The following NPAS3 variants were observed in gnomAD, a reference collection of about 807,000 sequenced individuals.
NPAS3 encodes neuronal PAS domain protein 3.
A neutral mutation model predicts 73.1 loss-of-function variants in NPAS3; 14 were observed. The ratio of observed to expected loss-of-function variants is 0.19; its 90% CI spans 0.13 to 0.30. The LOEUF is 0.30. Among genes scored for constraint, NPAS3 ranks in the 10% least tolerant of loss-of-function variants. NPAS3 has a pLI of 1.00. For missense variants in NPAS3, 1,096 were observed against 1,250.0 expected, an observed-to-expected ratio of 0.88 and a Z score of 1.86; for synonymous variants, 620 against 541.5, an observed-to-expected ratio of 1.14 and a Z score of -2.01.
chr14:33,099,990 A>T (rs1318920042), intron 2 of NPAS3, among the ~76,000 whole-genome samples: 1 of 152,210 alleles, frequency 6.6e-6, no homozygotes, highest in African/African-American at 2.4e-5. Context: ...TTATAGAAAA[A>T]GAATGAACAA....
At chr14:33,531,621 C>T (rs1375442134) in intron 4 of NPAS3, among the ~76,000 whole-genome samples, 1 of 152,062 alleles carries the variant, frequency 6.6e-6, no homozygotes, top group Non-Finnish European at 1.5e-5. Flanking sequence ...CACCGATGAG[C>T]AGAGTTGTTA....
chr14:33,486,972 T>C (rs1474493655), intron 4 of NPAS3, among the ~76,000 whole-genome samples: 1 of 152,124 alleles, frequency 6.6e-6, no homozygotes, highest in Non-Finnish European at 1.5e-5. Context: ...AGAATCAGTT[T>C]TGAGGTGTTT....
chr14:33,362,108 A>G (rs1423047855), intron 3 of NPAS3, among the ~76,000 whole-genome samples: 1 of 152,210 alleles, frequency 6.6e-6, no homozygotes, highest in African/African-American at 2.4e-5. Flanking sequence ...AGTGCTTTCA[A>G]CAACAGAATT....
At chr14:33,407,207 C>G (rs2047705953) in intron 4 of NPAS3, among the ~76,000 whole-genome samples, 1 of 152,120 alleles carries the variant, frequency 6.6e-6, no homozygotes, top group African/African-American at 2.4e-5. Context: ...CAGTGCCATC[C>G]TTTGTAACTG....
upstream of NPAS3, among the ~76,000 whole-genome samples, chr14:32,938,939 C>T (rs959859632): frequency 2.3e-3 from 336 of 145,730 alleles, 6 homozygotes; most frequent in African/African-American, 7.9e-3. Context: ...GGGCCGCGGG[C>T]GCTCTGCGGC....
At position 33,800,588 on chromosome 14, in the gene NPAS3, G is replaced by C. The variant is rs1446195422; in HGVS notation, c.2281G>C (p.Gly761Arg). 6.1e-6 allele frequency: 8 copies of C among 1,301,916 alleles called. No individual in the cohort carries two copies. In the African/African-American group the frequency reaches 1.3e-4, roughly 20 times the overall value. 80.6% of individuals were successfully genotyped at this position (1,301,916 alleles called of 1,614,324 possible). A position where few individuals can be genotyped will look rare whatever the true frequency, so the allele number is the denominator to read the frequency against. ...GGCGTCCCCGCGGGACAAGCACCCC[G>C]GGAACGGCGGCGGGGGCGGGGGCGG... The change falls in exon 12 of 12, where the codon GGG (glycine) becomes CGG (arginine). Residue 761 changes from glycine (G) to arginine (R), a missense_variant. By Grantham distance (125) the Gly-to-Arg change is moderately radical. Transcript: ENST00000356141. This position sits in a 1 kb window ranked among gnomAD's most constrained non-coding sequence, Gnocchi z 6.5.
intron 3 of NPAS3, among the ~76,000 whole-genome samples, chr14:33,246,575 C>T (rs2048391149): frequency 6.7e-6 from 1 of 149,790 alleles, no homozygotes. Flanking sequence ...TAAGTGCTCA[C>T]TTGTTCCTTT....
chr14:33,052,084 A>T (rs1245566179), intron 1 of NPAS3, among the ~76,000 whole-genome samples: 1 of 152,174 alleles, frequency 6.6e-6, no homozygotes, highest in Non-Finnish European at 1.5e-5. Context: ...ACCTGAATTC[A>T]GTAAGATAGT....
chr14:33,396,571 A>G (rs768528548), intron 4 of NPAS3, among the ~76,000 whole-genome samples: 7 of 152,204 alleles, frequency 4.6e-5, no homozygotes, highest in Non-Finnish European at 1.0e-4. Flanking sequence ...AATCCTCACT[A>G]TTCCTGGCCA....
At chr14:33,415,390 TC>T (rs1235787202) in intron 4 of NPAS3, among the ~76,000 whole-genome samples, 1 of 152,126 alleles carries the variant, frequency 6.6e-6, no homozygotes, top group Non-Finnish European at 1.5e-5. Flanking sequence ...TTTTATGTCC[TC>T]CCCAGTCTGT....
At chr14:33,264,286 G>C (rs1028225545) in intron 3 of NPAS3, among the ~76,000 whole-genome samples, 5 of 151,960 alleles carry the variant, frequency 3.3e-5, no homozygotes, top group African/African-American at 1.2e-4. Context: ...GTAGGGGGAG[G>C]GGGGAAGGAT....
Position 32,985,598 on chromosome 14 carries a change from T to G in NPAS3, c.50+46232T>G, listed in dbSNP as rs555385754. On this transcript the variant is annotated intron_variant, in intron 1 of 11. Transcript: ENST00000356141. ...ACTTACTAGGGAAGATTTTTCTTAA[T>G]GTATGCCAGCTAGGTATTATGTTTA... Among the ~76,000 whole-genome samples the G allele has an allele frequency of 2.0e-5, 3 of 152,286 alleles. No individual in the cohort carries two copies. In the South Asian group the frequency reaches 6.2e-4, roughly 32 times the overall value.
chr14:33,437,675 T>C (rs1364208046), intron 4 of NPAS3, among the ~76,000 whole-genome samples: 1 of 152,226 alleles, frequency 6.6e-6, no homozygotes, highest in African/African-American at 2.4e-5. Flanking sequence ...AATTTGACTT[T>C]GACTCTAACT....
chr14:33,758,464 A>C (rs2062183504), intron 7 of NPAS3, among the ~76,000 whole-genome samples: 1 of 152,204 alleles, frequency 6.6e-6, no homozygotes, highest in Non-Finnish European at 1.5e-5. Context: ...ACTCCTGGAC[A>C]AGCTGGCCCC....
At chr14:33,523,623 T>A (rs1265993550) in intron 4 of NPAS3, among the ~76,000 whole-genome samples, 1 of 150,422 alleles carries the variant, frequency 6.6e-6, no homozygotes, top group Non-Finnish European at 1.5e-5. Context: ...AGATAAAAAT[T>A]AAAAAAAATA....
chr14:33,511,432 C>A (rs2053045359), intron 4 of NPAS3, among the ~76,000 whole-genome samples: 1 of 151,992 alleles, frequency 6.6e-6, no homozygotes, highest in Admixed American at 6.6e-5. Context: ...AGAAAAATTA[C>A]AATTTAATCA....
chr14:33,333,518 A>T (rs1051077626), intron 3 of NPAS3, among the ~76,000 whole-genome samples: 1 of 152,196 alleles, frequency 6.6e-6, no homozygotes, highest in Non-Finnish European at 1.5e-5. Context: ...TAGGGCTCAG[A>T]GCAGTATTTT....
chr14:33,748,690 T>C (rs1375407663), intron 7 of NPAS3, among the ~76,000 whole-genome samples: 1 of 152,210 alleles, frequency 6.6e-6, no homozygotes, highest in Non-Finnish European at 1.5e-5. Flanking sequence ...TATCTGGGCC[T>C]CTATTTCCTT....
intron 3 of NPAS3, among the ~76,000 whole-genome samples, chr14:33,223,201 C>T (rs1594436905): frequency 1.3e-5 from 2 of 152,234 alleles, no homozygotes; most frequent in East Asian, 3.9e-4. Flanking sequence ...ATCCCAGCTA[C>T]TCCGGAAGCT....
Sources: allele counts gnomAD v4.1 joint callset (sites outside exome capture counted in the v4.1 genomes callset), GRCh38; gene constraint gnomAD v4.1.1; non-coding constraint Gnocchi (gnomAD v3.1); transcripts MANE v1.5; gene names NCBI Gene and HGNC (gene_info 2026-07-23, HGNC 2026-07-21).